Variants in ATXN1 observed in about 807,000 individuals in gnomAD.
ATXN1 encodes ataxin 1, also known as ataxin-1.
A neutral mutation model predicts 56.4 loss-of-function variants in ATXN1; 8 were observed. That is an observed-to-expected ratio of 0.14 (90% CI 0.08 to 0.26). The LOEUF (loss-of-function observed/expected upper bound fraction) is 0.26. Ranked by LOEUF, ATXN1 falls within the 10% of genes least tolerant of loss-of-function variation. The probability of loss-of-function intolerance (pLI) is 1.00; values close to 1 mark genes in which losing one functional copy is unlikely to be tolerated. For synonymous variants in ATXN1, 514 were observed against 494.6 expected, an observed-to-expected ratio of 1.04 and a Z score of -0.52; for missense variants, 987 against 1,106.5, an observed-to-expected ratio of 0.89 and a Z score of 1.53.
intron 6 of ATXN1, among the ~76,000 whole-genome samples, chr6:16,401,945 A>G (rs1037450528): frequency 7.9e-5 from 12 of 152,200 alleles, no homozygotes; most frequent in African/African-American, 2.9e-4. Flanking sequence ...CCTCTCAATC[A>G]TGGTGGAAGG....
At chr6:16,538,792 C>G (rs1761656017) in intron 4 of ATXN1, among the ~76,000 whole-genome samples, 1 of 152,100 alleles carries the variant, frequency 6.6e-6, no homozygotes, top group Non-Finnish European at 1.5e-5. Context: ...TTCAAGCAAT[C>G]CTCTCGCCTC....
In ATXN1 at chr6:16,327,625, C is replaced by G; in HGVS notation, c.686G>C (p.Arg229Thr). 1.3e-6 allele frequency: 2 copies of G among 1,582,840 alleles called. No homozygotes were observed. Among genetic ancestry groups the G allele is most frequent in the South Asian group, 2.3e-5 (2 of 88,430 alleles). ...QQQQQQQHLS[R>T]APGLITPGSP... ...CCCCGGGGTGATGAGCCCCGGAGCC[C>G]TGCTGAGGTGCTGCTGCTGCTGCTG... Residue 229 changes from arginine to threonine, a missense_variant, in exon 7 of 8, where the codon AGG (arginine) becomes ACG (threonine). Transcript: ENST00000436367.
chr6:16,424,565 C>G (rs1759109918), intron 6 of ATXN1, among the ~76,000 whole-genome samples: 1 of 152,188 alleles, frequency 6.6e-6, no homozygotes, highest in Non-Finnish European at 1.5e-5. Context: ...TGCCCCACAA[C>G]AAAGTGGCCA....
chr6:16,706,723 CAA>C (rs773199840), intron 2 of ATXN1, among the ~76,000 whole-genome samples: 2 of 20,576 alleles, frequency 9.7e-5, no homozygotes, highest in Non-Finnish European at 1.0e-4. Context: ...GACTCCATCT[CAA>C]AAAAAAAAAA....
chr6:16,529,214 T>G (rs1036666306), intron 4 of ATXN1, among the ~76,000 whole-genome samples: 16 of 150,704 alleles, frequency 1.1e-4, no homozygotes, highest in South Asian at 2.1e-4. Flanking sequence ...TTTTGTTTTT[T>G]TTTTTTTTTT....
In ATXN1 at chr6:16,511,396, T is replaced by C. The variant is rs544343139; in HGVS notation, c.-299+11231A>G. Among the ~76,000 whole-genome samples, 134 of 152,324 alleles carry C rather than the reference T, an allele frequency of 8.8e-4. 1 individual carries two copies. The highest frequency in any genetic ancestry group is 3.5e-3 in the Admixed American group (53 of 15,302). On this transcript the variant is annotated intron_variant, in intron 5 of 7. Transcript: ENST00000436367. ...TATAAATGTCCAGAGAGCTAACAACTGCAAAGATGTGGAAGTATATCTAAA... is the reference window on the plus strand; with the variant it reads ...TATAAATGTCCAGAGAGCTAACAACCGCAAAGATGTGGAAGTATATCTAAA...
At chr6:16,358,860 C>G in intron 6 of ATXN1, among the ~76,000 whole-genome samples, 1 of 152,320 alleles carries the variant, frequency 6.6e-6, no homozygotes, top group Middle Eastern at 3.4e-3. Context: ...CTGCAGCTGC[C>G]GCACCCACGG....
chr6:16,491,573 A>C (rs2113662987), intron 5 of ATXN1, among the ~76,000 whole-genome samples: 1 of 152,192 alleles, frequency 6.6e-6, no homozygotes, highest in African/African-American at 2.4e-5. Context: ...CCGGGATTAC[A>C]GGTGTGAGCC....
chr6:16,703,182 G>GT, intron 2 of ATXN1, among the ~76,000 whole-genome samples: 1 of 151,990 alleles, frequency 6.6e-6, no homozygotes, highest in East Asian at 1.9e-4. Context: ...TCCTTTGTAG[G>GT]GACATGGATG....
At chr6:16,742,901 C>T (rs888690837) in intron 2 of ATXN1, among the ~76,000 whole-genome samples, 8 of 152,190 alleles carry the variant, frequency 5.3e-5, no homozygotes, top group Non-Finnish European at 1.0e-4. Flanking sequence ...CTTAGAACTT[C>T]AGAACTACTC....
rs1233355851 is a variant in ATXN1 at position 16,410,531 on chromosome 6, A to G, written c.-161+75441T>C. 1.3e-5 allele frequency among the ~76,000 whole-genome samples: 2 copies of G among 152,164 alleles called. No individual in the cohort carries two copies. Among genetic ancestry groups the G allele is most frequent in the Non-Finnish European group, 2.9e-5 (2 of 68,022 alleles). ...TTTGGAGATTATGGTTCAACCAGTG[A>G]TTTGTCTAAACCTGTTTGAGGATTC... On this transcript the variant is annotated intron_variant, in intron 6 of 7. Transcript: ENST00000436367. This position sits in a 1 kb window ranked among gnomAD's most constrained non-coding sequence, Gnocchi z 4.6.
chr6:16,716,086 G>A (rs564889367), intron 2 of ATXN1, among the ~76,000 whole-genome samples: 18 of 152,156 alleles, frequency 1.2e-4, no homozygotes, highest in East Asian at 3.9e-4. Context: ...CGCATCCTTC[G>A]TCCATATGAT....
At chr6:16,452,505 G>C (rs1361613155) in intron 6 of ATXN1, among the ~76,000 whole-genome samples, 1 of 152,200 alleles carries the variant, frequency 6.6e-6, no homozygotes, top group Non-Finnish European at 1.5e-5. Context: ...TAAAAAGCCA[G>C]TGGGACAGTC....
intron 4 of ATXN1, among the ~76,000 whole-genome samples, chr6:16,530,161 A>T (rs1761474732): frequency 1.3e-5 from 2 of 152,258 alleles, no homozygotes; most frequent in Admixed American, 1.3e-4. Context: ...ATATTGGCTG[A>T]AGAAAATCAT....
chr6:16,690,831 A>G (rs1759029198), intron 2 of ATXN1, among the ~76,000 whole-genome samples: 1 of 152,078 alleles, frequency 6.6e-6, no homozygotes. Context: ...GTGGGGCAGA[A>G]TCTCCCCTCC....
At chr6:16,404,683 TGCACGCGCACTCGCGCGCGCGCACACAC>T (rs142381143) in intron 6 of ATXN1, among the ~76,000 whole-genome samples, 10,896 of 152,100 alleles carry the variant, frequency 0.072, 859 homozygotes, top group African/African-American at 0.2. Flanking sequence ...CATACGCACA[TGCACGCGCACTCGCGCGCGCGCACACAC>T]GCACACACAC....
chr6:16,593,485 A>G (rs967796037), intron 3 of ATXN1, among the ~76,000 whole-genome samples: 17 of 152,214 alleles, frequency 1.1e-4, no homozygotes, highest in African/African-American at 3.4e-4. Flanking sequence ...ATAAGAATAA[A>G]ATGAACAGGC....
chr6:16,647,538 T>C (rs1032075760), intron 3 of ATXN1, among the ~76,000 whole-genome samples: 2 of 152,226 alleles, frequency 1.3e-5, no homozygotes, highest in Admixed American at 1.3e-4. Context: ...GGCTAGATTT[T>C]AAATCTTTGA....
At chr6:16,607,246 T>C (rs1763027394) in intron 3 of ATXN1, among the ~76,000 whole-genome samples, 1 of 152,202 alleles carries the variant, frequency 6.6e-6, no homozygotes, top group Non-Finnish European at 1.5e-5. Context: ...TTATACCCTC[T>C]CTAAGCCTCA....
Sources: allele counts gnomAD v4.1 joint callset (sites outside exome capture counted in the v4.1 genomes callset), GRCh38; gene constraint gnomAD v4.1.1; non-coding constraint Gnocchi (gnomAD v3.1); transcripts MANE v1.5; gene names NCBI Gene and HGNC (gene_info 2026-07-23, HGNC 2026-07-21).